RNF115: variants seen among roughly 807,000 people sequenced by gnomAD.
RNF115 encodes the protein ring finger protein 115.
In RNF115, 31 loss-of-function variants were observed where a neutral mutation model predicts 39.2. That is an observed-to-expected ratio of 0.79 (90% CI 0.59 to 1.07). The LOEUF is 1.07. Ranked by LOEUF, RNF115 falls within the 50% of genes least tolerant of loss-of-function variation. The pLI, the probability that RNF115 is intolerant of heterozygous loss-of-function variation, is 0.00. For synonymous variants in RNF115, 124 were observed against 131.0 expected (o/e 0.95, Z 0.37); for missense variants, 384 against 381.7 (o/e 1.01, Z -0.05).
intron 3 of RNF115, among the ~76,000 whole-genome samples, chr1:145,780,455 C>T (rs1026775742): frequency 6.6e-5 from 10 of 151,664 alleles, no homozygotes; most frequent in Non-Finnish European, 1.3e-4. Context: ...CCCGTCTCTA[C>T]TAAAAATATA....
At chr1:145,775,131 C>CT (rs1553716339) in intron 3 of RNF115, among the ~76,000 whole-genome samples, 17 of 152,108 alleles carry the variant, frequency 1.1e-4, no homozygotes, top group Non-Finnish European at 2.4e-4. Context: ...CCTGATGTTC[C>CT]AGCTACTCGG....
chr1:145,807,993 C>A (rs968907468), intron 1 of RNF115, among the ~76,000 whole-genome samples: 2 of 152,148 alleles, frequency 1.3e-5, no homozygotes, highest in African/African-American at 4.8e-5. Flanking sequence ...ACCTCCAGTT[C>A]CATCCATGTT....
At chr1:145,761,669 A>T (rs1024288149) in intron 4 of RNF115, among the ~76,000 whole-genome samples, 4 of 152,168 alleles carry the variant, frequency 2.6e-5, no homozygotes, top group African/African-American at 9.6e-5. Context: ...CTCATGGAGA[A>T]CCTCTGCTAG....
intron 1 of RNF115, among the ~76,000 whole-genome samples, chr1:145,807,085 C>T (rs1026108051): frequency 1.3e-5 from 2 of 152,192 alleles, no homozygotes; most frequent in African/African-American, 4.8e-5. Flanking sequence ...GGTACCAATA[C>T]AGTTACTGAA....
At chr1:145,758,373 G>C (rs951594726) in intron 4 of RNF115, among the ~76,000 whole-genome samples, 6 of 152,174 alleles carry the variant, frequency 3.9e-5, no homozygotes, top group Non-Finnish European at 8.8e-5. Flanking sequence ...GGATGTTCCA[G>C]GTCCAGTTAA....
chr1:145,776,164 A>ATTTT (rs35710154), intron 3 of RNF115, among the ~76,000 whole-genome samples: 34 of 121,768 alleles, frequency 2.8e-4, no homozygotes, highest in African/African-American at 5.8e-4. Flanking sequence ...TCTGACCAAC[A>ATTTT]TTTTTTTTTT....
rs1460982902 is a variant in RNF115, at chr1:145,740,979, A to C, written c.*5887T>G. The C allele has an allele frequency of 4.6e-5, 7 of 152,284 alleles. No homozygotes were observed. Among genetic ancestry groups the C allele is most frequent in the African/African-American group, 1.7e-4 (7 of 41,438 alleles). 9.4% of individuals were successfully genotyped at this position (152,284 alleles called of 1,614,324 possible). A position where few individuals can be genotyped will look rare whatever the true frequency, so the allele number is the denominator to read the frequency against. On this transcript the variant is annotated 3_prime_UTR_variant, in exon 9 of 9. Coordinates refer to ENST00000582693, the MANE Select transcript of RNF115 (RefSeq NM_014455.4). ...CAGCCTCCCAAGTAGCTGGGACTAC[A>C]GGTGCATGCCACCACACCTGGCTAA...
At chr1:145,776,761 G>A (rs1647908576) in intron 3 of RNF115, among the ~76,000 whole-genome samples, 4 of 152,112 alleles carry the variant, frequency 2.6e-5, no homozygotes, top group South Asian at 4.2e-4. Flanking sequence ...GCTTGAACCC[G>A]GGAGGCAGAG....
chr1:145,805,449 C>CA (rs782498674), intron 1 of RNF115, among the ~76,000 whole-genome samples: 3,000 of 122,044 alleles, frequency 0.025, 70 homozygotes, highest in African/African-American at 0.075. Flanking sequence ...CCCAAGTCTT[C>CA]AAAAAAAAAA....
intron 4 of RNF115, among the ~76,000 whole-genome samples, chr1:145,758,695 A>G (rs1658390334): frequency 6.6e-6 from 1 of 152,128 alleles, no homozygotes; most frequent in Admixed American, 6.5e-5. Flanking sequence ...TCCTATATGA[A>G]TGCTTGGAAT....
intron 1 of RNF115, among the ~76,000 whole-genome samples, chr1:145,799,591 C>CTTTTT (rs1225652486): frequency 7.8e-5 from 1 of 12,766 alleles, no homozygotes; most frequent in Non-Finnish European, 1.4e-4. Context: ...TCACTGTGGG[C>CTTTTT]TTTTTTTTGT....
chr1:145,761,535 G>A (rs1658504412), intron 4 of RNF115, among the ~76,000 whole-genome samples: 2 of 152,252 alleles, frequency 1.3e-5, no homozygotes, highest in South Asian at 4.1e-4. Context: ...CAGCGTCCAT[G>A]TGGTGCTGAG....
rs1242320992 is a variant in RNF115, at chr1:145,795,893, G to A, written c.103-6927C>T. Among the ~76,000 whole-genome samples the A allele has an allele frequency of 2.0e-5, 3 of 152,048 alleles. No individual in the cohort carries two copies. The East Asian group carries it at 5.8e-4, about 29-fold the overall frequency. On this transcript the variant is annotated intron_variant, in intron 1 of 8. Coordinates refer to ENST00000582693, the MANE Select transcript of RNF115 (RefSeq NM_014455.4). ...CTTATAAAACAAACCACACAGCCCT[G>A]GACTATCCTCCTGCAATCAACATTA...
chr1:145,753,468 A>G (rs1341021350), intron 4 of RNF115, among the ~76,000 whole-genome samples: 1 of 152,032 alleles, frequency 6.6e-6, no homozygotes, highest in Non-Finnish European at 1.5e-5. Flanking sequence ...GATATCATTT[A>G]AAGAGTCCTT....
intron 4 of RNF115, among the ~76,000 whole-genome samples, chr1:145,762,328 G>A (rs1553713963): frequency 1.3e-5 from 2 of 152,138 alleles, no homozygotes; most frequent in East Asian, 3.9e-4. Context: ...TGCCATGTTA[G>A]AAGTGCCTTA....
chr1:145,812,813 G>A (rs1363086747), intron 1 of RNF115, among the ~76,000 whole-genome samples: 4 of 150,670 alleles, frequency 2.7e-5, no homozygotes, highest in East Asian at 2.0e-4. Context: ...AAGAGATGGG[G>A]TTTCGCCATA....
chr1:145,794,133 C>T (rs1648821004), intron 1 of RNF115, among the ~76,000 whole-genome samples: 1 of 152,172 alleles, frequency 6.6e-6, no homozygotes, highest in South Asian at 2.1e-4. Flanking sequence ...CGTGAGCCAC[C>T]ACGCCCAGCC....
At chr1:145,781,711 T>C (rs1445419891) in intron 3 of RNF115, among the ~76,000 whole-genome samples, 1 of 152,134 alleles carries the variant, frequency 6.6e-6, no homozygotes, top group Admixed American at 6.5e-5. Flanking sequence ...CTAAGTAACT[T>C]TGCCCAGATT....
At chr1:145,784,160 T>A (rs1207002085) in intron 3 of RNF115, among the ~76,000 whole-genome samples, 1 of 152,210 alleles carries the variant, frequency 6.6e-6, no homozygotes, top group Non-Finnish European at 1.5e-5. Context: ...CGACAACTTA[T>A]CCTGGCCTGC....
Sources: allele counts gnomAD v4.1 joint callset (sites outside exome capture counted in the v4.1 genomes callset), GRCh38; gene constraint gnomAD v4.1.1; transcripts MANE v1.5; gene names NCBI Gene and HGNC (gene_info 2026-07-23, HGNC 2026-07-21).